ING4: variants seen among roughly 807,000 people sequenced by gnomAD.
The protein encoded by ING4 is inhibitor of growth protein 4.
A neutral mutation model predicts 33.1 loss-of-function variants in ING4; 28 were observed. That is an observed-to-expected ratio of 0.85 (90% CI 0.63 to 1.16). The LOEUF is 1.16. Ranked by LOEUF, ING4 falls within the 50% of genes most tolerant of loss-of-function variation. The pLI is 0.00. For synonymous variants in ING4, 87 were observed against 104.4 expected (o/e 0.83, Z 1.02); for missense variants, 247 against 314.7 (o/e 0.78, Z 1.63).
intron 1 of ING4, among the ~76,000 whole-genome samples, chr12:6,659,622 C>T (rs1012182865): frequency 2.6e-5 from 4 of 152,066 alleles, no homozygotes; most frequent in Non-Finnish European, 4.4e-5. Context: ...ACCATCCTGG[C>T]TAACATGGTG....
chr12:6,652,602 G>C (rs1023987698), intron 5 of ING4, 60 bp downstream of exon 5: 1 of 1,489,310 alleles, frequency 6.7e-7, no homozygotes, highest in Non-Finnish European at 9.4e-7. Context: ...TGCAGGCTGG[G>C]AGTGGGGCAC....
chr12:6,653,169 G>T, intron 3 of ING4, 61 bp downstream of exon 3: 2 of 1,600,714 alleles, frequency 1.2e-6, no homozygotes, highest in African/African-American at 1.3e-5. Flanking sequence ...AGTTGAAGGA[G>T]GGGTCTAAGA....
intron 1 of ING4, among the ~76,000 whole-genome samples, chr12:6,659,949 A>G (rs1253743208): frequency 1.3e-5 from 2 of 152,178 alleles, no homozygotes; most frequent in African/African-American, 4.8e-5. Flanking sequence ...GACTGTTTCA[A>G]AAAACAAAAA....
intron 2 of ING4, among the ~76,000 whole-genome samples, chr12:6,654,040 T>C (rs1452563198): frequency 1.3e-5 from 2 of 152,102 alleles, no homozygotes; most frequent in East Asian, 3.9e-4. Context: ...TTTTTCCACG[T>C]TACCCAGGCT....
At chr12:6,658,442 T>C (rs1162721088) in intron 1 of ING4, among the ~76,000 whole-genome samples, 1 of 151,882 alleles carries the variant, frequency 6.6e-6, no homozygotes, top group Non-Finnish European at 1.5e-5. Context: ...TCCCAGCACT[T>C]TGGGAGGCCC....
intron 1 of ING4, among the ~76,000 whole-genome samples, chr12:6,662,072 A>C (rs964662189): frequency 1.3e-5 from 2 of 152,184 alleles, no homozygotes; most frequent in Admixed American, 6.5e-5. Flanking sequence ...ATAAATATCA[A>C]ATACGCTGAC....
chr12:6,653,308 T>C lies in ING4; in HGVS notation c.198A>G (p.Lys66=), dbSNP rs771439114. 16 of 1,614,008 alleles carry C rather than the reference T, an allele frequency of 9.9e-6. No homozygotes were observed. The highest frequency in any genetic ancestry group is 1.3e-5 in the Non-Finnish European group (15 of 1,180,036). ...ACTTGCCATAGGCTTCCTGGATCTG[T>C]TTGAGAAGGGCCAATTTTTCCTCGG... ...LSSEEKLALL[K]QIQEAYGKCK... is the part of the protein sequence containing the mutation. The change falls in exon 3 of 8, where the codon AAA becomes AAG. Residue 66 remains lysine (K), a synonymous_variant. Transcript: ENST00000341550.
chr12:6,662,143 C>T (rs1356375649), intron 1 of ING4, among the ~76,000 whole-genome samples: 1 of 152,130 alleles, frequency 6.6e-6, no homozygotes, highest in Non-Finnish European at 1.5e-5. Context: ...AGTACCTTTG[C>T]GGATGCTTTC....
rs78086878 is a variant in ING4 at position 6,662,484 on chromosome 12, G to A, written c.37+581C>T. On this transcript the variant is annotated intron_variant, in intron 1 of 7. Transcript: ENST00000341550. ...AAATATTTGTTGAATAAATGACTCCGGGCCCTAAAACAAATGTAAGCGCAC... is the reference window on the plus strand; with the variant it reads ...AAATATTTGTTGAATAAATGACTCCAGGCCCTAAAACAAATGTAAGCGCAC... 1.8e-3 allele frequency among the ~76,000 whole-genome samples: 269 copies of A among 152,152 alleles called. 1 individual carries two copies. The highest frequency in any genetic ancestry group is 6.2e-3 in the African/African-American group (256 of 41,514).
chr12:6,655,543 T>C, intron 2 of ING4: 1 of 1,006,602 alleles, frequency 9.9e-7, no homozygotes, highest in Non-Finnish European at 1.2e-6. Flanking sequence ...TGGAAGAAGC[T>C]GAAAAAGCAT....
intron 2 of ING4, among the ~76,000 whole-genome samples, chr12:6,653,804 A>G (rs1273379516): frequency 6.6e-6 from 1 of 152,234 alleles, no homozygotes; most frequent in Admixed American, 6.5e-5. Context: ...AATCAGGCTG[A>G]GTCATCTGCT....
In ING4 at chr12:6,651,352, C is replaced by T; in HGVS notation, c.679G>A (p.Gly227Arg). 8 of 1,614,144 alleles carry T rather than the reference C, an allele frequency of 5.0e-6. No homozygotes were observed. Among genetic ancestry groups the T allele is most frequent in the Non-Finnish European group, 6.8e-6 (8 of 1,180,040 alleles). Reference protein sequence around the residue: ...SIEWFHFACVGLTTKPRGKWF... With the variant: ...SIEWFHFACVRLTTKPRGKWF... ...TTCCCCCGAGGCTTGGTTGTCAGCC[C>T]CACACAGGCAAAATGGAACCACTCA... is the stretch of plus-strand genomic sequence containing the variant. Residue 227 changes from glycine (G) to arginine (R), a missense_variant, in exon 7 of 8, where the codon GGG becomes AGG. By Grantham distance (125) the Gly-to-Arg change is moderately radical. Around this residue, in one of 3 missense-constraint regions of ING4, gnomAD observed 38 missense variants for 49.7 expected, o/e 0.77. Coordinates refer to ENST00000341550, the MANE Select transcript of ING4 (RefSeq NM_016162.4).
chr12:6,651,168 A>C lies in ING4; in HGVS notation c.*27T>G, dbSNP rs762083143. The C allele has an allele frequency of 6.2e-7, 1 of 1,613,720 alleles. No individual in the cohort carries two copies. Among genetic ancestry groups the C allele is most frequent in the East Asian group, 2.2e-5 (1 of 44,880 alleles). ...AGCCCAAGTCAGGGGATGTGGAAGA[A>C]ACTGTGTTGGAATCCAAGGCCCTTA... On this transcript the variant is annotated 3_prime_UTR_variant, in exon 8 of 8. Coordinates refer to ENST00000341550, the MANE Select transcript of ING4 (RefSeq NM_016162.4).
At chr12:6,655,648 G>A (rs1311325267) in intron 2 of ING4, 18 of 1,134,736 alleles carry the variant, frequency 1.6e-5, no homozygotes, top group Admixed American at 4.5e-5. Context: ...CATTCGGCAG[G>A]CAGTTCTCAG....
rs770734842 is a variant in ING4 at position 6,652,986 on chromosome 12, T to C, written c.341A>G (p.Lys114Arg). 1 of 1,614,114 alleles carries C rather than the reference T, an allele frequency of 6.2e-7. No individual in the cohort carries two copies. Among genetic ancestry groups the C allele is most frequent in the Admixed American group, 1.7e-5 (1 of 60,004 alleles). ...GTCATAGTCACTTGACTCAATCTGT[T>C]TCTCCTTGAGATCAGCCTCAAAACG... ...LARFEADLKE[K>R]QIESSDYDSS... Residue 114 changes from lysine (K) to arginine (R), a missense_variant, in exon 4 of 8, where the codon AAA (lysine) becomes AGA (arginine). Coordinates refer to ENST00000341550, the MANE Select transcript of ING4 (RefSeq NM_016162.4).
chr12:6,658,608 C>G (rs1487682370), intron 1 of ING4, among the ~76,000 whole-genome samples: 1 of 152,214 alleles, frequency 6.6e-6, no homozygotes, highest in Non-Finnish European at 1.5e-5. Flanking sequence ...ATCCCTTGAA[C>G]CTGGGAGGTG....
intron 1 of ING4, among the ~76,000 whole-genome samples, chr12:6,658,825 G>T (rs906119730): frequency 6.6e-6 from 1 of 152,192 alleles, no homozygotes; most frequent in Non-Finnish European, 1.5e-5. Flanking sequence ...CCTCACACCA[G>T]CCTGAACTCA....
Position 6,656,818 on chromosome 12 carries a change from A to G in ING4, c.38-20T>C. On this transcript the variant is annotated intron_variant, in intron 1 of 7. Transcript: ENST00000341550. Reference sequence around the variant, plus strand: ...CAATACCTAGGGAAGAGAGAGAAACAATCACAGGACTGACTATGCATAGGC... The same window carrying G: ...CAATACCTAGGGAAGAGAGAGAAACGATCACAGGACTGACTATGCATAGGC... The G allele has an allele frequency of 2.0e-6, 3 of 1,476,982 alleles. No homozygotes were observed. The highest frequency in any genetic ancestry group is 2.8e-6 in the Non-Finnish European group (3 of 1,084,756). The allele number at this position is 1,476,982 out of a possible 1,614,324, so 91.5% of individuals were successfully genotyped here.
At chr12:6,661,418 T>G (rs1191658271) in intron 1 of ING4, among the ~76,000 whole-genome samples, 4 of 148,112 alleles carry the variant, frequency 2.7e-5, no homozygotes, top group East Asian at 2.0e-4. Context: ...TTTTTTTTTT[T>G]TTTTTTTTTT....
Sources: gnomAD v4.1 joint callset for allele counts (sites outside exome capture counted in the v4.1 genomes callset) on GRCh38, gnomAD v4.1.1 for gene constraint, gnomAD v4.1.1 regional missense constraint, MANE v1.5 for transcripts, NCBI Gene and HGNC (gene_info 2026-07-23, HGNC 2026-07-21) for gene names.